Variants in SCD5 observed in about 807,000 individuals in gnomAD.
SCD5 encodes acyl-CoA-desaturase 4.
In SCD5, 20 loss-of-function variants were observed where a neutral mutation model predicts 30.4. That is an observed-to-expected ratio of 0.66 (90% confidence interval 0.46 to 0.96). SCD5 has a LOEUF of 0.96. SCD5 is among the 40% of genes least tolerant of loss of function. SCD5 has a pLI of 0.00. For missense variants in SCD5, 381 were observed against 443.3 expected (o/e 0.86, Z 1.26); for synonymous variants, 173 against 176.4 (o/e 0.98, Z 0.16).
chr4:82,631,065 T>C lies in SCD5; in HGVS notation c.*262A>G. ...GGTGGAGGCTGCAGTGAGCCGAGAC[T>C]GCGCCACTGCACTCCAGCCTGGGTG... On this transcript the variant is annotated 3_prime_UTR_variant, in exon 5 of 5. Transcript: ENST00000319540. The C allele has an allele frequency of 3.6e-6, 1 of 281,106 alleles. No individual in the cohort carries two copies. Among genetic ancestry groups the C allele is most frequent in the Non-Finnish European group, 6.6e-6 (1 of 151,988 alleles). 17.4% of individuals were successfully genotyped at this position (281,106 alleles called of 1,614,324 possible).
intron 3 of SCD5, among the ~76,000 whole-genome samples, chr4:82,650,035 C>T (rs1727715810): frequency 6.6e-6 from 1 of 152,194 alleles, no homozygotes. Flanking sequence ...CCACGTGCTG[C>T]TTCCTTCAGC....
At chr4:82,767,236 G>GTCTC (rs140732938) in intron 1 of SCD5, among the ~76,000 whole-genome samples, 3 of 149,970 alleles carry the variant, frequency 2.0e-5, no homozygotes, top group Non-Finnish European at 4.5e-5. Flanking sequence ...TTTTCCCTCT[G>GTCTC]TCTCTCTCTC....
chr4:82,638,821 G>A (rs1727483250), intron 3 of SCD5, among the ~76,000 whole-genome samples: 1 of 152,170 alleles, frequency 6.6e-6, no homozygotes, highest in Non-Finnish European at 1.5e-5. Context: ...TAACAGCTAA[G>A]GCACACTATG....
intron 1 of SCD5, among the ~76,000 whole-genome samples, chr4:82,786,681 A>G (rs1721994391): frequency 6.6e-6 from 1 of 151,672 alleles, no homozygotes; most frequent in Non-Finnish European, 1.5e-5. Flanking sequence ...AGTCCCAGTT[A>G]CTGGGGAGGC....
intron 3 of SCD5, among the ~76,000 whole-genome samples, chr4:82,645,051 C>T (rs1727610782): frequency 6.6e-6 from 1 of 152,230 alleles, no homozygotes. Flanking sequence ...CGGTGGCTCA[C>T]ACCTGTAATT....
At chr4:82,699,341 A>G (rs775236405) in intron 2 of SCD5, among the ~76,000 whole-genome samples, 15 of 152,164 alleles carry the variant, frequency 9.9e-5, no homozygotes, top group Non-Finnish European at 1.9e-4. Flanking sequence ...TTTCTCGCCT[A>G]TCAAATGAGG....
intron 1 of SCD5, among the ~76,000 whole-genome samples, chr4:82,727,035 G>A (rs1720515527): frequency 6.6e-6 from 1 of 152,154 alleles, no homozygotes. Context: ...AATCATGACA[G>A]GATAATATAG....
chr4:82,746,964 G>A (rs962984260), intron 1 of SCD5, among the ~76,000 whole-genome samples: 43 of 98,996 alleles, frequency 4.3e-4, no homozygotes, highest in African/African-American at 1.1e-3. Context: ...GCGTCAGGGG[G>A]AGAGGAGGAA....
At chr4:82,792,149 G>A (rs1221482419) in intron 1 of SCD5, among the ~76,000 whole-genome samples, 20 of 151,998 alleles carry the variant, frequency 1.3e-4, no homozygotes, top group Non-Finnish European at 1.5e-5. Context: ...CCCAGCTACT[G>A]GGAAGGCTGA....
chr4:82,697,988 AGAT>A (rs1578026516), intron 2 of SCD5: 2 of 456,752 alleles, frequency 4.4e-6, no homozygotes, highest in East Asian at 1.4e-4. Flanking sequence ...CTGTGGAAGA[AGAT>A]AATGTGAGGC....
intron 1 of SCD5, among the ~76,000 whole-genome samples, chr4:82,772,598 T>C (rs984177118): frequency 2.0e-5 from 3 of 152,182 alleles, no homozygotes; most frequent in Non-Finnish European, 2.9e-5. Flanking sequence ...GATGGCCTCA[T>C]ACATGTCTAG....
rs906934995 is a variant in SCD5 at position 82,784,042 on chromosome 4, A to C, written c.232+14264T>G. Among the ~76,000 whole-genome samples the C allele has an allele frequency of 5.9e-5, 9 of 152,160 alleles. 1 individual carries two copies. The highest frequency in any genetic ancestry group is 1.7e-4 in the African/African-American group (7 of 41,408). On this transcript the variant is annotated intron_variant, in intron 1 of 4. Transcript: ENST00000319540. ...GTATATAACGTATATACATACACAG[A>C]GGAAATGATAAAGCAAATGAGGCAA... is the stretch of plus-strand genomic sequence containing the variant.
In SCD5 at chr4:82,719,089, A is replaced by T. The variant is rs796628036; in HGVS notation, c.233-13676T>A. Among the ~76,000 whole-genome samples the T allele has an allele frequency of 9.5e-4, 144 of 151,848 alleles. 3 individuals are homozygous for T. The highest frequency in any genetic ancestry group is 3.3e-3 in the African/African-American group (136 of 41,186). On this transcript the variant is annotated intron_variant, in intron 1 of 4. Coordinates refer to ENST00000319540, the MANE Select transcript of SCD5 (RefSeq NM_001037582.3). Reference sequence around the variant, plus strand: ...GCCACAACCAACCCACAGATTTTTTAAAAAACTGATCCAACAATTAAAAAT... The same window carrying T: ...GCCACAACCAACCCACAGATTTTTTTAAAAACTGATCCAACAATTAAAAAT...
intron 2 of SCD5, among the ~76,000 whole-genome samples, chr4:82,689,473 G>T (rs1728785233): frequency 6.6e-6 from 1 of 152,204 alleles, no homozygotes; most frequent in African/African-American, 2.4e-5. Context: ...AATAATGACA[G>T]TAATGGATTA....
chr4:82,722,363 T>TA (rs1368308604), intron 1 of SCD5, among the ~76,000 whole-genome samples: 2 of 152,224 alleles, frequency 1.3e-5, no homozygotes, highest in Non-Finnish European at 2.9e-5. Context: ...TTGTGAATAT[T>TA]AAAAGCTACT....
At chr4:82,748,246 C>A (rs1275883307) in intron 1 of SCD5, among the ~76,000 whole-genome samples, 1 of 151,768 alleles carries the variant, frequency 6.6e-6, no homozygotes, top group Non-Finnish European at 1.5e-5. Flanking sequence ...ATCCATTGTC[C>A]AGAAACAAGA....
At chr4:82,774,483 A>C (rs918745198) in intron 1 of SCD5, among the ~76,000 whole-genome samples, 1 of 152,204 alleles carries the variant, frequency 6.6e-6, no homozygotes, top group African/African-American at 2.4e-5. Context: ...TAAAATGGGG[A>C]GATACAAGTA....
At chr4:82,792,163 A>T (rs1274259905) in intron 1 of SCD5, among the ~76,000 whole-genome samples, 1 of 152,182 alleles carries the variant, frequency 6.6e-6, no homozygotes, top group Non-Finnish European at 1.5e-5. Context: ...AGGCTGAGGC[A>T]GGAGAATCGC....
At chr4:82,687,836 C>T (rs903466110) in intron 2 of SCD5, among the ~76,000 whole-genome samples, 1 of 152,190 alleles carries the variant, frequency 6.6e-6, no homozygotes, top group Non-Finnish European at 1.5e-5. Flanking sequence ...CAGAACTACT[C>T]CCCAGCTTCC....
Sources: gnomAD v4.1 joint callset for allele counts (sites outside exome capture counted in the v4.1 genomes callset) on GRCh38, gnomAD v4.1.1 for gene constraint, MANE v1.5 for transcripts, NCBI Gene and HGNC (gene_info 2026-07-23, HGNC 2026-07-21) for gene names.